Variants in SLC38A7 observed in about 807,000 individuals in gnomAD.
The protein encoded by SLC38A7 is sodium-coupled neutral amino acid transporter 7.
Under a neutral mutation model 50.1 loss-of-function variants are expected in SLC38A7, and 29 were observed. The observed-to-expected ratio is 0.58, with a 90% CI of 0.43 to 0.79. The LOEUF (loss-of-function observed/expected upper bound fraction) is 0.79, where lower values mean the gene tolerates loss of function less well. SLC38A7 is among the 30% of genes least tolerant of loss of function. The pLI is 0.00. For synonymous variants in SLC38A7, 244 were observed against 245.9 expected (o/e 0.99, Z 0.07); for missense variants, 483 against 610.6 (o/e 0.79, Z 2.20).
At chr16:58,672,307 C>A in intron 8 of SLC38A7, 64 bp from the exon 9 acceptor site, 1 of 1,494,676 alleles carries the variant, frequency 6.7e-7, no homozygotes, top group Non-Finnish European at 9.0e-7. Context: ...CTGTCCACTC[C>A]TCCTAGGAGC....
intron 2 of SLC38A7, chr16:58,683,603 C>T (rs993842136): frequency 2.1e-4 from 32 of 152,442 alleles, no homozygotes; most frequent in African/African-American, 7.5e-4. Flanking sequence ...TCCCAGGCTT[C>T]CAGTGTAGCT....
chr16:58,669,086 T>C lies in SLC38A7; in HGVS notation c.1286+1027A>G, dbSNP rs139439266. ...TGCCTGGCCAATTTTTTTTCTTTTT[T>C]AGACATGTTTGTATGGCTTTTTTTT... is the stretch of plus-strand genomic sequence containing the variant. On this transcript the variant is annotated intron_variant, in intron 11 of 11. Transcript: ENST00000219320. Among the ~76,000 whole-genome samples the C allele has an allele frequency of 4.4e-4, 64 of 145,958 alleles. 1 individual carries two copies. Among genetic ancestry groups the C allele is most frequent in the South Asian group, 2.4e-3 (11 of 4,564 alleles).
chr16:58,675,309 C>T, intron 8 of SLC38A7: 1 of 422,360 alleles, frequency 2.4e-6, no homozygotes, highest in Non-Finnish European at 4.6e-6. Flanking sequence ...GAATTCAAGA[C>T]CAGGCTAGGC....
rs762960029 is a variant in SLC38A7, at chr16:58,675,923, G to C, written c.883+17C>G. 1.8e-4 allele frequency: 273 copies of C among 1,531,370 alleles called. No individual in the cohort carries two copies. Among genetic ancestry groups the C allele is most frequent in the Non-Finnish European group, 2.2e-4 (251 of 1,131,624 alleles). 94.9% of individuals were successfully genotyped at this position (1,531,370 alleles called of 1,614,324 possible). ...AGAGCACTCTAGTCCCAGGTCTTGG[G>C]GGGGGGGAGCACTCACCTGTCCCCA... On this transcript the variant is annotated intron_variant, in intron 8 of 11. Transcript: ENST00000219320.
rs11558678 is a variant in SLC38A7, at chr16:58,683,970, G to A, written c.-131C>T. The stretch of plus-strand genomic sequence containing the variant: ...TGCACCTTACCTGCTCTTTCTCCCT[G>A]ATGGGCTGTGCCAGAGGCGGTTGCT... On this transcript the variant is annotated 5_prime_UTR_variant, in exon 2 of 12. Transcript: ENST00000219320. The A allele has an allele frequency of 0.11, 16,135 of 152,460 alleles. 946 individuals are homozygous for A. The highest frequency in any genetic ancestry group is 0.13 in the Non-Finnish European group (8,958 of 68,166). 9.4% of individuals were successfully genotyped at this position (152,460 alleles called of 1,614,324 possible).
chr16:58,674,004 TGATA>T (rs762468178), intron 8 of SLC38A7, among the ~76,000 whole-genome samples: 43 of 151,894 alleles, frequency 2.8e-4, no homozygotes, highest in Non-Finnish European at 5.3e-4. Context: ...TTTGTAATTT[TGATA>T]GAGACAGGGT....
intron 9 of SLC38A7, chr16:58,671,466 A>G: frequency 1.7e-6 from 1 of 591,594 alleles, no homozygotes; most frequent in South Asian, 2.1e-5. Flanking sequence ...TCACATGGAA[A>G]CTGATATTGT....
chr16:58,673,094 T>C (rs2152076622), intron 8 of SLC38A7, among the ~76,000 whole-genome samples: 1 of 130,742 alleles, frequency 7.6e-6, no homozygotes, highest in Non-Finnish European at 1.6e-5. Context: ...TTTTTTTTTT[T>C]TTTTTTTTTT....
chr16:58,676,892 G>A (rs1401649169), intron 6 of SLC38A7, among the ~76,000 whole-genome samples: 1 of 151,990 alleles, frequency 6.6e-6, no homozygotes, highest in African/African-American at 2.4e-5. Context: ...CTGACCTCAT[G>A]ATCCGCCCGC....
chr16:58,668,404 G>A (rs562049556), intron 11 of SLC38A7, among the ~76,000 whole-genome samples: 6 of 152,278 alleles, frequency 3.9e-5, no homozygotes, highest in East Asian at 1.9e-4. Context: ...GTGAAACCCC[G>A]TCTCTACCAA....
At position 58,671,083 on chromosome 16, in the gene SLC38A7, A is replaced by G. The variant is rs1444245710; in HGVS notation, c.1193T>C (p.Ile398Thr). 5.0e-6 allele frequency: 8 copies of G among 1,612,674 alleles called. 1 individual carries two copies. In the South Asian group the frequency reaches 7.7e-5, roughly 16 times the overall value. The change falls in exon 10 of 12, where the codon ATT (isoleucine) becomes ACT (threonine). Residue 398 changes from isoleucine to threonine, a missense_variant. Ile to Thr is a moderately conservative substitution (Grantham distance 89, BLOSUM62 -1). Transcript: ENST00000219320. ...GATGAAGCAGGCGGCCAGGCCTCCA[A>G]TGACTGAGATCACCTTGCCGATGTC... ...IPDIGKVISVIGGLAACFIFV... is the reference protein window; with the variant it reads ...IPDIGKVISVTGGLAACFIFV...
Position 58,678,293 on chromosome 16 carries a change from G to C in SLC38A7, c.611+40C>G. The C allele has an allele frequency of 1.3e-6, 2 of 1,507,178 alleles. No homozygotes were observed. Among genetic ancestry groups the C allele is most frequent in the Non-Finnish European group, 1.8e-6 (2 of 1,126,476 alleles). The allele number at this position is 1,507,178 out of a possible 1,614,324, so 93.4% of individuals were successfully genotyped here. On this transcript the variant is annotated intron_variant, in intron 5 of 11. Coordinates refer to ENST00000219320, the MANE Select transcript of SLC38A7 (RefSeq NM_018231.3). The surrounding 1 kb of genome is among the most constrained non-coding windows in gnomAD (Gnocchi z 4.0). ...AGCCCTTGGGTCTACAGCTGCCCAG[G>C]ATCATAGCTTCTGTCTGACCCAGGC...
chr16:58,675,332 C>A (rs1406945163), intron 8 of SLC38A7: 7 of 423,376 alleles, frequency 1.7e-5, no homozygotes, highest in East Asian at 1.4e-4. Context: ...CATAGTGAGA[C>A]CTTGTCTCTG....
chr16:58,668,916 T>C (rs540279844), intron 11 of SLC38A7, among the ~76,000 whole-genome samples: 1 of 145,236 alleles, frequency 6.9e-6, no homozygotes, highest in Non-Finnish European at 1.5e-5. Flanking sequence ...ACTACAGGCA[T>C]GCGCCACCAC....
chr16:58,683,548 T>A (rs889656496), intron 2 of SLC38A7: 3 of 152,164 alleles, frequency 2.0e-5, no homozygotes, highest in African/African-American at 7.2e-5. Context: ...AACCAGCAAC[T>A]CAGCAAAATC....
At position 58,665,813 on chromosome 16, in the gene SLC38A7, T is replaced by A. The variant is rs1209570224; in HGVS notation, c.*1572A>T. On this transcript the variant is annotated 3_prime_UTR_variant, in exon 12 of 12. Coordinates refer to ENST00000219320, the MANE Select transcript of SLC38A7 (RefSeq NM_018231.3). The stretch of plus-strand genomic sequence containing the variant: ...CTGGGGTAACAATTCCAGTGTGACA[T>A]CAATGTGGCTGGCCACTGAGGCCAG... 6.6e-6 allele frequency: 1 copy of A among 152,298 alleles called. No individual in the cohort carries two copies. The highest frequency in any genetic ancestry group is 6.5e-5 in the Admixed American group (1 of 15,276). The allele number at this position is 152,298 out of a possible 1,614,324, so 9.4% of individuals were successfully genotyped here.
chr16:58,671,533 G>A, intron 9 of SLC38A7: 1 of 527,958 alleles, frequency 1.9e-6, no homozygotes, highest in East Asian at 3.1e-5. Flanking sequence ...CCATGTGAAA[G>A]CTCAGGAAAG....
chr16:58,677,397 G>A lies in SLC38A7; in HGVS notation c.639C>T (p.Tyr213=), dbSNP rs111704627. 209 of 1,613,804 alleles carry A rather than the reference G, an allele frequency of 1.3e-4. No homozygotes were observed. In the African/African-American group the frequency reaches 1.7e-3, roughly 13 times the overall value. ...ACTTGATGATAACGATGGCTGTGAC[G>A]TACCAGGTACCCACGACGCTCAGGA... is the stretch of plus-strand genomic sequence containing the variant. ...ASFLSVVGTW[Y]VTAIVIIKYI... Residue 213 remains tyrosine, a synonymous_variant, in exon 6 of 12, where the codon TAC becomes TAT. Transcript: ENST00000219320.
Position 58,667,599 on chromosome 16 carries a change from A to C in SLC38A7, c.1287-112T>G, listed in dbSNP as rs1029627122. ...ATTATCGCACTTCTCCTGTTGGTAG[A>C]GCACTTCCTACTTCCCAAAGACTTC... On this transcript the variant is annotated intron_variant, in intron 11 of 11. Transcript: ENST00000219320. 1.0e-4 allele frequency: 80 copies of C among 796,094 alleles called. No homozygotes were observed. In the East Asian group the frequency reaches 2.3e-3, roughly 23 times the overall value. The allele number at this position is 796,094 out of a possible 1,614,324, so 49.3% of individuals were successfully genotyped here. A position where few individuals can be genotyped will look rare whatever the true frequency, so the allele number is the denominator to read the frequency against.
Sources: gnomAD v4.1 joint callset for allele counts (sites outside exome capture counted in the v4.1 genomes callset) on GRCh38, gnomAD v4.1.1 for gene constraint, Gnocchi (gnomAD v3.1) non-coding constraint, MANE v1.5 for transcripts, NCBI Gene and HGNC (gene_info 2026-07-23, HGNC 2026-07-21) for gene names.